OR5J2: variants seen among roughly 807,000 people sequenced by gnomAD.
OR5J2 encodes the protein olfactory receptor family 5 subfamily J member 2.
OR5J2 carries 4 observed loss-of-function variants against 6.7 expected under a neutral mutation model. The observed-to-expected ratio is 0.60, with a 90% CI of 0.29 to 1.37. OR5J2 has a LOEUF of 1.37. Among genes scored for constraint, OR5J2 ranks in the 40% most tolerant of loss-of-function variants. OR5J2 has a pLI of 0.09. For missense variants in OR5J2, 415 were observed against 366.4 expected (o/e 1.13, Z -1.08); for synonymous variants, 174 against 140.4 (o/e 1.24, Z -1.69).
At position 56,177,082 on chromosome 11, in the gene OR5J2, C is replaced by A; in HGVS notation, c.465C>A (p.Asn155Lys). ...VTGSWIGGIV[N>K]TLIHTISLRR... ...GATCATGGATAGGTGGAATAGTTAA[C>A]ACATTAATCCACACAATCAGCTTGA... Residue 155 changes from asparagine (N) to lysine (K), a missense_variant, in exon 1 of 1, where the codon AAC (asparagine) becomes AAA (lysine). Transcript: ENST00000312298. The A allele has an allele frequency of 6.2e-7, 1 of 1,613,774 alleles. No homozygotes were observed. The highest frequency in any genetic ancestry group is 8.5e-7 in the Non-Finnish European group (1 of 1,179,710).
chr11:56,177,474 A>G lies in OR5J2; in HGVS notation c.857A>G (p.Asn286Ser), dbSNP rs1852555336. 1.2e-6 allele frequency: 2 copies of G among 1,613,242 alleles called. No individual in the cohort carries two copies. Among genetic ancestry groups the G allele is most frequent in the Non-Finnish European group, 1.7e-6 (2 of 1,179,896 alleles). The change falls in exon 1 of 1, where the codon AAC (asparagine) becomes AGC (serine). Residue 286 changes from asparagine (N) to serine (S), a missense_variant. By Grantham distance (46) the Asn-to-Ser change is conservative (BLOSUM62 1). Transcript: ENST00000312298. Reference protein sequence around the residue: ...MFYTLGIPMLNLLIHSLRNKD... With the variant: ...MFYTLGIPMLSLLIHSLRNKD... Reference sequence around the variant, plus strand: ...TATACGCTAGGGATTCCCATGTTAAACCTGTTGATACACAGTTTGAGAAAC... The same window carrying G: ...TATACGCTAGGGATTCCCATGTTAAGCCTGTTGATACACAGTTTGAGAAAC...
In OR5J2 at chr11:56,176,774, T is replaced by A. The variant is rs199897275; in HGVS notation, c.157T>A (p.Ser53Thr). Residue 53 changes from serine to threonine, a missense_variant, in exon 1 of 1, where the codon TCC becomes ACC. Physicochemically the swap from Ser to Thr is moderately conservative, Grantham distance 58. Coordinates refer to ENST00000312298, the MANE Select transcript of OR5J2 (RefSeq NM_001005492.1). ...LGMILLIQIT[S>T]KLHTPMYFLL... ...CATGATCCTCTTAATCCAAATCACC[T>A]CCAAACTCCACACACCCATGTACTT... The A allele has an allele frequency of 8.9e-4, 1,433 of 1,614,042 alleles. 1 individual carries two copies. Among genetic ancestry groups the A allele is most frequent in the Non-Finnish European group, 9.3e-4 (1,095 of 1,179,964 alleles).
In OR5J2 at chr11:56,177,156, A is replaced by G; in HGVS notation, c.539A>G (p.Asp180Gly). The change falls in exon 1 of 1, where the codon GAC becomes GGC. Residue 180 changes from aspartate to glycine, a missense_variant. Transcript: ENST00000312298. ...AATGCTGTCAGCCACTTCTTCTGTG[A>G]CATTCCTTCACTGCTAAAGCTGTCA... ...RLNAVSHFFCDIPSLLKLSCS... is the reference protein window; with the variant it reads ...RLNAVSHFFCGIPSLLKLSCS... 6.2e-7 allele frequency: 1 copy of G among 1,614,090 alleles called. No homozygotes were observed.
chr11:56,177,278 ATTGC>A lies in OR5J2; in HGVS notation c.664_667del (p.Ala222LeufsTer4). The A allele has an allele frequency of 6.2e-7, 1 of 1,613,910 alleles. No homozygotes were observed. The highest frequency in any genetic ancestry group is 1.1e-5 in the South Asian group (1 of 91,072). On this transcript the variant is annotated frameshift_variant, in exon 1 of 1. Transcript: ENST00000312298. LOFTEE classifies it high-confidence loss of function. ...GACTGTGATCATTTCCTACATCTTC[ATTGC>A]TTTTGCTAGCCTAAGGATCCACTCA...
chr11:56,176,698 T>G lies in OR5J2; in HGVS notation c.81T>G (p.Leu27=). ...ATCATGCTGAACTAAAAGCTGTGCT[T>G]TTTGTGGTGTTCCTGGTGATTTACG... ...LTDHAELKAV[L]FVVFLVIYAI... The change falls in exon 1 of 1, where the codon CTT becomes CTG. Residue 27 remains leucine (L), a synonymous_variant. Coordinates refer to ENST00000312298, the MANE Select transcript of OR5J2 (RefSeq NM_001005492.1). The G allele has an allele frequency of 6.2e-7, 1 of 1,614,016 alleles. No homozygotes were observed. The highest frequency in any genetic ancestry group is 8.5e-7 in the Non-Finnish European group (1 of 1,179,908).
In OR5J2 at chr11:56,177,518, G is replaced by A. The variant is rs1191847493; in HGVS notation, c.901G>A (p.Val301Met). The A allele has an allele frequency of 2.5e-6, 4 of 1,606,196 alleles. No individual in the cohort carries two copies. Among genetic ancestry groups the A allele is most frequent in the Non-Finnish European group, 3.4e-6 (4 of 1,179,124 alleles). Residue 301 changes from valine to methionine, a missense_variant, in exon 1 of 1, where the codon GTG (valine) becomes ATG (methionine). Transcript: ENST00000312298. Reference sequence around the variant, plus strand: ...GAGAAACAAGGACGTAAAGGAGGCAGTGAAAAGGGCCATAGAAATGAAACA... The same window carrying A: ...GAGAAACAAGGACGTAAAGGAGGCAATGAAAAGGGCCATAGAAATGAAACA... ...SLRNKDVKEA[V>M]KRAIEMKHFL...
chr11:56,177,132 A>C lies in OR5J2; in HGVS notation c.515A>C (p.Asn172Thr), dbSNP rs1852547435. The stretch of plus-strand genomic sequence containing the variant: ...AGGAGACTGTCCTTTTGTAGGCTAA[A>C]TGCTGTCAGCCACTTCTTCTGTGAC... ...SLRRLSFCRL[N>T]AVSHFFCDIP... The change falls in exon 1 of 1, where the codon AAT becomes ACT. Residue 172 changes from asparagine (N) to threonine (T), a missense_variant. By Grantham distance (65) the Asn-to-Thr change is moderately conservative. Coordinates refer to ENST00000312298, the MANE Select transcript of OR5J2 (RefSeq NM_001005492.1). The C allele has an allele frequency of 6.2e-7, 1 of 1,614,102 alleles. No individual in the cohort carries two copies. The highest frequency in any genetic ancestry group is 8.5e-7 in the Non-Finnish European group (1 of 1,179,986).
At position 56,177,171 on chromosome 11, in the gene OR5J2, T is replaced by C. The variant is rs1422473279; in HGVS notation, c.554T>C (p.Leu185Pro). 6.2e-7 allele frequency: 1 copy of C among 1,614,156 alleles called. No individual in the cohort carries two copies. Among genetic ancestry groups the C allele is most frequent in the South Asian group, 1.1e-5 (1 of 91,082 alleles). The stretch of plus-strand genomic sequence containing the variant: ...TTCTTCTGTGACATTCCTTCACTGC[T>C]AAAGCTGTCATGTTCTGACACCTCC... Reference protein sequence around the residue: ...SHFFCDIPSLLKLSCSDTSMN... With the variant: ...SHFFCDIPSLPKLSCSDTSMN... The change falls in exon 1 of 1, where the codon CTA becomes CCA. Residue 185 changes from leucine to proline, a missense_variant. Coordinates refer to ENST00000312298, the MANE Select transcript of OR5J2 (RefSeq NM_001005492.1).
Position 56,177,511 on chromosome 11 carries a change from G to A in OR5J2, c.894G>A (p.Lys298=), listed in dbSNP as rs900892601. 6.2e-7 allele frequency: 1 copy of A among 1,608,570 alleles called. No individual in the cohort carries two copies. The highest frequency in any genetic ancestry group is 1.1e-5 in the South Asian group (1 of 91,070). The change falls in exon 1 of 1, where the codon AAG becomes AAA. Residue 298 remains lysine (K), a synonymous_variant. Transcript: ENST00000312298. Reference sequence around the variant, plus strand: ...ACAGTTTGAGAAACAAGGACGTAAAGGAGGCAGTGAAAAGGGCCATAGAAA... The same window carrying A: ...ACAGTTTGAGAAACAAGGACGTAAAAGAGGCAGTGAAAAGGGCCATAGAAA... The part of the protein sequence containing the change: ...LIHSLRNKDV[K]EAVKRAIEMK...
chr11:56,177,008 C>A lies in OR5J2; in HGVS notation c.391C>A (p.Leu131Ile), dbSNP rs1452063447. The change falls in exon 1 of 1, where the codon CTT (leucine) becomes ATT (isoleucine). Residue 131 changes from leucine (L) to isoleucine (I), a missense_variant. Transcript: ENST00000312298. Reference protein sequence around the residue: ...DRYVAIVSPLLYTVAMSDRKC... With the variant: ...DRYVAIVSPLIYTVAMSDRKC... The stretch of plus-strand genomic sequence containing the variant: ...CTATGTGGCCATTGTGAGTCCCTTG[C>A]TTTACACTGTAGCCATGTCTGATAG... 6.2e-7 allele frequency: 1 copy of A among 1,613,990 alleles called. No individual in the cohort carries two copies. Among genetic ancestry groups the A allele is most frequent in the Non-Finnish European group, 8.5e-7 (1 of 1,180,012 alleles).
rs984356551 is a variant in OR5J2, at chr11:56,177,247, C to A, written c.630C>A (p.Thr210=). 4 of 1,614,052 alleles carry A rather than the reference C, an allele frequency of 2.5e-6. No individual in the cohort carries two copies. Among genetic ancestry groups the A allele is most frequent in the Non-Finnish European group, 2.5e-6 (3 of 1,179,980 alleles). ...LTFSGVIAMA[T]FLTVIISYIF... ...TCTCCGGAGTCATTGCCATGGCCAC[C>A]TTCTTGACTGTGATCATTTCCTACA... The change falls in exon 1 of 1, where the codon ACC becomes ACA. Residue 210 remains threonine, a synonymous_variant. Transcript: ENST00000312298.
chr11:56,176,779 A>G lies in OR5J2; in HGVS notation c.162A>G (p.Lys54=). 6.2e-7 allele frequency: 1 copy of G among 1,613,492 alleles called. No homozygotes were observed. Among genetic ancestry groups the G allele is most frequent in the Non-Finnish European group, 8.5e-7 (1 of 1,179,848 alleles). The change falls in exon 1 of 1, where the codon AAA becomes AAG. Residue 54 remains lysine (K), a synonymous_variant. Coordinates refer to ENST00000312298, the MANE Select transcript of OR5J2 (RefSeq NM_001005492.1). ...TCCTCTTAATCCAAATCACCTCCAAACTCCACACACCCATGTACTTTTTAC... is the reference window on the plus strand; with the variant it reads ...TCCTCTTAATCCAAATCACCTCCAAGCTCCACACACCCATGTACTTTTTAC... The part of the protein sequence containing the change: ...GMILLIQITS[K]LHTPMYFLLS...
In OR5J2 at chr11:56,177,327, C is replaced by A. The variant is rs568231265; in HGVS notation, c.710C>A (p.Ala237Asp). 1.2e-6 allele frequency: 2 copies of A among 1,613,716 alleles called. No individual in the cohort carries two copies. The highest frequency in any genetic ancestry group is 8.5e-7 in the Non-Finnish European group (1 of 1,179,812). Residue 237 changes from alanine (A) to aspartate (D), a missense_variant, in exon 1 of 1, where the codon GCC becomes GAC. Coordinates refer to ENST00000312298, the MANE Select transcript of OR5J2 (RefSeq NM_001005492.1). ...CACTCAGCATCAGGCAGACAGCAAG[C>A]CTTCTCCACCTGTGCCTCTCACCTG... ...RIHSASGRQQ[A>D]FSTCASHLTA...
At position 56,177,250 on chromosome 11, in the gene OR5J2, C is replaced by G; in HGVS notation, c.633C>G (p.Phe211Leu). Residue 211 changes from phenylalanine to leucine, a missense_variant, in exon 1 of 1, where the codon TTC becomes TTG. Coordinates refer to ENST00000312298, the MANE Select transcript of OR5J2 (RefSeq NM_001005492.1). ...TFSGVIAMAT[F>L]LTVIISYIFI... is the part of the protein sequence containing the mutation. Reference sequence around the variant, plus strand: ...CCGGAGTCATTGCCATGGCCACCTTCTTGACTGTGATCATTTCCTACATCT... The same window carrying G: ...CCGGAGTCATTGCCATGGCCACCTTGTTGACTGTGATCATTTCCTACATCT... 1 of 1,614,082 alleles carries G rather than the reference C, an allele frequency of 6.2e-7. No individual in the cohort carries two copies. Among genetic ancestry groups the G allele is most frequent in the East Asian group, 2.2e-5 (1 of 44,876 alleles).
At position 56,177,507 on chromosome 11, in the gene OR5J2, T is replaced by C; in HGVS notation, c.890T>C (p.Val297Ala). Residue 297 changes from valine (V) to alanine (A), a missense_variant, in exon 1 of 1, where the codon GTA becomes GCA. Transcript: ENST00000312298. ...ATACACAGTTTGAGAAACAAGGACG[T>C]AAAGGAGGCAGTGAAAAGGGCCATA... ...LLIHSLRNKD[V>A]KEAVKRAIEM... The C allele has an allele frequency of 6.2e-7, 1 of 1,609,542 alleles. No individual in the cohort carries two copies.
Position 56,177,137 on chromosome 11 carries a change from G to A in OR5J2, c.520G>A (p.Val174Ile). 5 of 1,614,104 alleles carry A rather than the reference G, an allele frequency of 3.1e-6. No individual in the cohort carries two copies. Among genetic ancestry groups the A allele is most frequent in the Non-Finnish European group, 3.4e-6 (4 of 1,179,996 alleles). ...RRLSFCRLNA[V>I]SHFFCDIPSL... ...ACTGTCCTTTTGTAGGCTAAATGCT[G>A]TCAGCCACTTCTTCTGTGACATTCC... The change falls in exon 1 of 1, where the codon GTC (valine) becomes ATC (isoleucine). Residue 174 changes from valine (V) to isoleucine (I), a missense_variant. Transcript: ENST00000312298.
Position 56,177,318 on chromosome 11 carries a change from G to C in OR5J2, c.701G>C (p.Arg234Thr), listed in dbSNP as rs1399144036. Reference protein sequence around the residue: ...ASLRIHSASGRQQAFSTCASH... With the variant: ...ASLRIHSASGTQQAFSTCASH... ...CTAAGGATCCACTCAGCATCAGGCA[G>C]ACAGCAAGCCTTCTCCACCTGTGCC... The change falls in exon 1 of 1, where the codon AGA becomes ACA. Residue 234 changes from arginine to threonine, a missense_variant. Physicochemically the swap from Arg to Thr is moderately conservative, Grantham distance 71. Coordinates refer to ENST00000312298, the MANE Select transcript of OR5J2 (RefSeq NM_001005492.1). 1.2e-6 allele frequency: 2 copies of C among 1,613,842 alleles called. No individual in the cohort carries two copies. The highest frequency in any genetic ancestry group is 4.5e-5 in the East Asian group (2 of 44,870).
In OR5J2 at chr11:56,177,016, T is replaced by C; in HGVS notation, c.399T>C (p.Thr133=). 6.2e-7 allele frequency: 1 copy of C among 1,614,110 alleles called. No individual in the cohort carries two copies. Among genetic ancestry groups the C allele is most frequent in the African/African-American group, 1.3e-5 (1 of 75,028 alleles). ...YVAIVSPLLY[T]VAMSDRKCVE... ...CCATTGTGAGTCCCTTGCTTTACAC[T>C]GTAGCCATGTCTGATAGAAAGTGTG... The change falls in exon 1 of 1, where the codon ACT becomes ACC. Residue 133 remains threonine, a synonymous_variant. Transcript: ENST00000312298.
chr11:56,177,455 C>G lies in OR5J2; in HGVS notation c.838C>G (p.Leu280Val). Reference protein sequence around the residue: ...QEKVVSMFYTLGIPMLNLLIH... With the variant: ...QEKVVSMFYTVGIPMLNLLIH... ...GAAAGTGGTTTCTATGTTCTATACG[C>G]TAGGGATTCCCATGTTAAACCTGTT... is the stretch of plus-strand genomic sequence containing the variant. The change falls in exon 1 of 1, where the codon CTA becomes GTA. Residue 280 changes from leucine to valine, a missense_variant. Transcript: ENST00000312298. The G allele has an allele frequency of 6.2e-7, 1 of 1,613,594 alleles. No individual in the cohort carries two copies. Among genetic ancestry groups the G allele is most frequent in the Non-Finnish European group, 8.5e-7 (1 of 1,179,774 alleles).
Sources: gnomAD v4.1 joint callset for allele counts on GRCh38, gnomAD v4.1.1 for gene constraint, MANE v1.5 for transcripts, NCBI Gene and HGNC (gene_info 2026-07-23, HGNC 2026-07-21) for gene names.